The following MTR variants were observed in gnomAD, a reference collection of about 807,000 sequenced individuals.
MTR encodes 5-methyltetrahydrofolate-homocysteine methyltransferase.
In MTR, 84 loss-of-function variants were observed where a neutral mutation model predicts 154.8. That is an observed-to-expected ratio of 0.54 (90% CI 0.45 to 0.65). The LOEUF (loss-of-function observed/expected upper bound fraction) is 0.65, where lower values mean the gene tolerates loss of function less well. Among genes scored for constraint, MTR ranks in the 30% least tolerant of loss-of-function variants. MTR has a pLI of 0.00. For synonymous variants in MTR, 554 were observed against 553.9 expected (o/e 1.00, Z 0.00); for missense variants, 1,275 against 1,570.2 (o/e 0.81, Z 3.18).
chr1:236,871,366 A>C (rs1665122147), intron 22 of MTR, among the ~76,000 whole-genome samples: 1 of 152,158 alleles, frequency 6.6e-6, no homozygotes, highest in South Asian at 2.1e-4. Flanking sequence ...CAGCCACAAC[A>C]ATTTCCTTAC....
At position 236,838,461 on chromosome 1, in the gene MTR, G is replaced by A. The variant is rs752390715; in HGVS notation, c.1377G>A (p.Gly459=). The A allele has an allele frequency of 1.2e-6, 2 of 1,614,130 alleles. No homozygotes were observed. The highest frequency in any genetic ancestry group is 1.7e-6 in the Non-Finnish European group (2 of 1,180,020). ...DSSNFAVIEA[G]LKCCQGKCIV... The stretch of plus-strand genomic sequence containing the variant: ...CCAATTTTGCTGTGATTGAAGCTGG[G>A]TTAAAGTGCTGCCAAGGGAAGTGCA... The change falls in exon 15 of 33, where the codon GGG becomes GGA. Residue 459 remains glycine (G), a synonymous_variant. Coordinates refer to ENST00000366577, the MANE Select transcript of MTR (RefSeq NM_000254.3).
At position 236,806,151 on chromosome 1, in the gene MTR, T is replaced by C; in HGVS notation, c.257T>C (p.Leu86Ser). The change falls in exon 3 of 33, where the codon TTG (leucine) becomes TCG (serine). Residue 86 changes from leucine to serine, a missense_variant. Physicochemically the swap from Leu to Ser is moderately radical, Grantham distance 145. Coordinates refer to ENST00000366577, the MANE Select transcript of MTR (RefSeq NM_000254.3). ...DVIYQIHKEY[L>S]LAGADIIETN... ...TATAATCTCTTGTTGCAGGAATACTTGCTGGCTGGGGCAGATATCATTGAA... is the reference window on the plus strand; with the variant it reads ...TATAATCTCTTGTTGCAGGAATACTCGCTGGCTGGGGCAGATATCATTGAA... 1.2e-6 allele frequency: 2 copies of C among 1,613,978 alleles called. No homozygotes were observed. The highest frequency in any genetic ancestry group is 1.7e-6 in the Non-Finnish European group (2 of 1,179,834).
intron 8 of MTR, chr1:236,820,467 G>A: frequency 7.1e-7 from 1 of 1,403,534 alleles, no homozygotes; most frequent in Non-Finnish European, 9.9e-7. Flanking sequence ...CTGGTCTGCA[G>A]CTCCCACTGC....
rs1379994563 is a variant in MTR at position 236,900,122 on chromosome 1, T to A, written c.*2478T>A. ...GAGGAATGTGTAAGAATGTTCATAG[T>A]TACATATTTATAATAGTTAATAACT... On this transcript the variant is annotated 3_prime_UTR_variant, in exon 33 of 33. Coordinates refer to ENST00000366577, the MANE Select transcript of MTR (RefSeq NM_000254.3). 5.2e-6 allele frequency: 2 copies of A among 382,152 alleles called. No homozygotes were observed. The highest frequency in any genetic ancestry group is 1.5e-4 in the East Asian group (2 of 13,146). 23.7% of individuals were successfully genotyped at this position (382,152 alleles called of 1,614,324 possible).
Position 236,895,407 on chromosome 1 carries a change from A to G in MTR, c.3455A>G (p.Tyr1152Cys), listed in dbSNP as rs771542050. ...AGAGTTCGCCGAGAACTGTGGGCCT[A>G]CTGTGGCAGTGAGCAGCTGGACGTC... ...HERVRRELWA[Y>C]CGSEQLDVAD... The change falls in exon 31 of 33, where the codon TAC becomes TGC. Residue 1152 changes from tyrosine (Y) to cysteine (C), a missense_variant. Physicochemically the swap from Tyr to Cys is radical, Grantham distance 194. Transcript: ENST00000366577. The G allele has an allele frequency of 1.2e-6, 2 of 1,605,360 alleles. No individual in the cohort carries two copies. The highest frequency in any genetic ancestry group is 1.7e-6 in the Non-Finnish European group (2 of 1,175,754).
intron 13 of MTR, among the ~76,000 whole-genome samples, chr1:236,832,846 T>C (rs572789092): frequency 6.6e-6 from 1 of 152,314 alleles, no homozygotes; most frequent in South Asian, 2.1e-4. Context: ...CATTATTACC[T>C]GATGGCATCC....
intron 2 of MTR, among the ~76,000 whole-genome samples, chr1:236,805,899 A>G (rs1433724227): frequency 2.0e-5 from 3 of 152,352 alleles, no homozygotes; most frequent in African/African-American, 7.2e-5. Context: ...GACTTGATTA[A>G]GTTCTTATAA....
chr1:236,841,887 C>G (rs1388026495), intron 15 of MTR, among the ~76,000 whole-genome samples: 1 of 151,060 alleles, frequency 6.6e-6, no homozygotes, highest in Non-Finnish European at 1.5e-5. Context: ...CAGTGCTATT[C>G]TAACTCTTTT....
intron 29 of MTR, among the ~76,000 whole-genome samples, chr1:236,894,140 A>C (rs1666486745): frequency 6.6e-6 from 1 of 152,092 alleles, no homozygotes; most frequent in Non-Finnish European, 1.5e-5. Context: ...TAAAAATCTC[A>C]TTTCATTTGT....
chr1:236,849,851 A>G (rs1291919392), intron 15 of MTR, among the ~76,000 whole-genome samples: 1 of 152,196 alleles, frequency 6.6e-6, no homozygotes, highest in East Asian at 1.9e-4. Flanking sequence ...ATATGCTTAG[A>G]ATGTTTTTGC....
At chr1:236,895,956 G>A (rs10802570) in intron 31 of MTR, among the ~76,000 whole-genome samples, 85,175 of 151,956 alleles carry the variant, frequency 0.56, 24,318 homozygotes, top group South Asian at 0.61. Context: ...GGTGTCCCTG[G>A]GTGCTGGTCT....
intron 28 of MTR, among the ~76,000 whole-genome samples, chr1:236,890,080 A>G (rs1487296478): frequency 6.6e-6 from 1 of 152,176 alleles, no homozygotes; most frequent in Non-Finnish European, 1.5e-5. Flanking sequence ...AGGGAGGGGT[A>G]GACTCACAGA....
intron 3 of MTR, among the ~76,000 whole-genome samples, chr1:236,807,564 AG>A (rs2103028683): frequency 6.6e-6 from 1 of 152,344 alleles, no homozygotes; most frequent in South Asian, 2.1e-4. Flanking sequence ...TTTTTTAAAT[AG>A]TAGTCATCCT....
At chr1:236,861,306 C>T (rs1216699054) in intron 20 of MTR, 29 bp downstream of exon 20, 15 of 1,613,510 alleles carry the variant, frequency 9.3e-6, no homozygotes, top group Non-Finnish European at 1.3e-5. Flanking sequence ...GAAATTTTCA[C>T]AGTTGCATCT....
chr1:236,874,775 T>G lies in MTR; in HGVS notation c.2523T>G (p.Ile841Met). 1 of 1,613,478 alleles carries G rather than the reference T, an allele frequency of 6.2e-7. No individual in the cohort carries two copies. The highest frequency in any genetic ancestry group is 1.1e-5 in the South Asian group (1 of 91,068). ...GLITPSLDEMIFVAKEMERLA... is the reference protein window; with the variant it reads ...GLITPSLDEMMFVAKEMERLA... Reference sequence around the variant, plus strand: ...TCACTCCTTCCCTGGATGAAATGATTTTTGTTGCCAAGGAAATGGAGAGAT... The same window carrying G: ...TCACTCCTTCCCTGGATGAAATGATGTTTGTTGCCAAGGAAATGGAGAGAT... Residue 841 changes from isoleucine to methionine, a missense_variant, in exon 24 of 33, where the codon ATT becomes ATG. Physicochemically the swap from Ile to Met is conservative, Grantham distance 10. Transcript: ENST00000366577.
In MTR at chr1:236,820,181, T is replaced by C. The variant is rs1405382907; in HGVS notation, c.764+3638T>C. On this transcript the variant is annotated intron_variant, in intron 8 of 32. Transcript: ENST00000366577. The stretch of plus-strand genomic sequence containing the variant: ...TGGTGGATGCTGGCCTGAGAAGTTC[T>C]GCACATGCGTGGCACCATTTCCTGT... The C allele has an allele frequency of 3.9e-6, 3 of 762,154 alleles. No homozygotes were observed. In the Admixed American group the frequency reaches 5.1e-5, roughly 13 times the overall value. 47.2% of individuals were successfully genotyped at this position (762,154 alleles called of 1,614,324 possible). A position where few individuals can be genotyped will look rare whatever the true frequency, so the allele number is the denominator to read the frequency against.
chr1:236,859,750 T>TTTTG (rs974925329), intron 18 of MTR, 83 bp from the exon 19 acceptor site: 12 of 1,089,962 alleles, frequency 1.1e-5, no homozygotes, highest in Admixed American at 1.7e-5. Flanking sequence ...ACACAGGTTT[T>TTTTG]TTTGTTTGTT....
intron 5 of MTR, among the ~76,000 whole-genome samples, chr1:236,811,968 C>T (rs1661331498): frequency 6.6e-6 from 1 of 152,226 alleles, no homozygotes; most frequent in Admixed American, 6.5e-5. Context: ...GCAGCCTCCA[C>T]CTCCTGGGTT....
Position 236,903,237 on chromosome 1 carries a change from T to C in MTR, c.*5593T>C, listed in dbSNP as rs1325439165. On this transcript the variant is annotated 3_prime_UTR_variant, in exon 33 of 33. Transcript: ENST00000366577. ...GGTGAGGGAACTCATGGTTTGGCTA[T>C]TTCTCGTTCTTTCTGCACTGTTTCA... 1 of 152,246 alleles carries C rather than the reference T, an allele frequency of 6.6e-6. No homozygotes were observed. Among genetic ancestry groups the C allele is most frequent in the Non-Finnish European group, 1.5e-5 (1 of 68,034 alleles). 9.4% of individuals were successfully genotyped at this position (152,246 alleles called of 1,614,324 possible). A position where few individuals can be genotyped will look rare whatever the true frequency, so the allele number is the denominator to read the frequency against.
Sources: gnomAD v4.1 joint callset for allele counts (sites outside exome capture counted in the v4.1 genomes callset) on GRCh38, gnomAD v4.1.1 for gene constraint, MANE v1.5 for transcripts, NCBI Gene and HGNC (gene_info 2026-07-23, HGNC 2026-07-21) for gene names.